PLEKHA5: variants seen among roughly 807,000 people sequenced by gnomAD.
PLEKHA5 encodes the protein pleckstrin homology domain-containing family A member 5.
A neutral mutation model predicts 181.9 loss-of-function variants in PLEKHA5; 55 were observed. That is an observed-to-expected ratio of 0.30 (90% CI 0.24 to 0.38). The LOEUF (loss-of-function observed/expected upper bound fraction) is 0.38, where lower values mean the gene tolerates loss of function less well. Among genes scored for constraint, PLEKHA5 ranks in the 10% least tolerant of loss-of-function variants. The probability of loss-of-function intolerance (pLI) is 1.00; values close to 1 mark genes in which losing one functional copy is unlikely to be tolerated. For missense variants in PLEKHA5, 1,432 were observed against 1,549.5 expected, an observed-to-expected ratio of 0.92 and a Z score of 1.27; for synonymous variants, 535 against 529.4, an observed-to-expected ratio of 1.01 and a Z score of -0.15.
intron 13 of PLEKHA5, among the ~76,000 whole-genome samples, chr12:19,289,953 T>C (rs550837310): frequency 1.3e-5 from 2 of 152,110 alleles, no homozygotes; most frequent in Non-Finnish European, 2.9e-5. Context: ...TTTTTATTTA[T>C]TTATTTTGAG....
chr12:19,306,504 T>C (rs199849104), intron 15 of PLEKHA5: 170 of 718,724 alleles, frequency 2.4e-4, no homozygotes, highest in Non-Finnish European at 5.0e-5. Context: ...GCTGTGTGTT[T>C]GATGTGTTGA....
chr12:19,162,235 T>C (rs897610248), intron 3 of PLEKHA5, among the ~76,000 whole-genome samples: 20 of 152,180 alleles, frequency 1.3e-4, no homozygotes, highest in Non-Finnish European at 2.6e-4. Flanking sequence ...TAAAAATTAT[T>C]TATTTCAGTG....
intron 31 of PLEKHA5, 80 bp downstream of exon 31, chr12:19,369,878 A>G: frequency 1.2e-6 from 1 of 800,658 alleles, no homozygotes; most frequent in Non-Finnish European, 2.0e-6. Flanking sequence ...GTGAATCAAA[A>G]CTGGGATTAG....
At chr12:19,157,220 T>C (rs950905070) in intron 3 of PLEKHA5, among the ~76,000 whole-genome samples, 2 of 151,974 alleles carry the variant, frequency 1.3e-5, no homozygotes, top group African/African-American at 4.8e-5. Flanking sequence ...AGAAAAAGTT[T>C]TAAAAATTCA....
At chr12:19,136,915 G>A (rs1029372626) in intron 3 of PLEKHA5, among the ~76,000 whole-genome samples, 1 of 151,990 alleles carries the variant, frequency 6.6e-6, no homozygotes, top group Non-Finnish European at 1.5e-5. Flanking sequence ...TGCAAGTAAG[G>A]AGAAAAATCT....
intron 20 of PLEKHA5, among the ~76,000 whole-genome samples, chr12:19,326,228 G>A (rs1047985142): frequency 2.6e-5 from 4 of 152,006 alleles, no homozygotes; most frequent in African/African-American, 9.7e-5. Context: ...TGTTATTTGT[G>A]CCTTTATGTA....
At chr12:19,285,609 G>A (rs1179453238) in intron 12 of PLEKHA5, among the ~76,000 whole-genome samples, 3 of 152,158 alleles carry the variant, frequency 2.0e-5, no homozygotes, top group African/African-American at 4.8e-5. Flanking sequence ...GTGCAGAAGC[G>A]ATGGTGAGTA....
intron 3 of PLEKHA5, among the ~76,000 whole-genome samples, chr12:19,157,102 A>ACACACACC: frequency 6.7e-6 from 1 of 149,326 alleles, no homozygotes; most frequent in African/African-American, 2.5e-5. Flanking sequence ...GTACATACAC[A>ACACACACC]CACACACACA....
intron 7 of PLEKHA5, among the ~76,000 whole-genome samples, chr12:19,263,420 G>C (rs1160462126): frequency 6.6e-6 from 1 of 152,100 alleles, no homozygotes; most frequent in Non-Finnish European, 1.5e-5. Flanking sequence ...TCTTAATCAC[G>C]AGTTTTTGCC....
intron 25 of PLEKHA5, among the ~76,000 whole-genome samples, chr12:19,353,609 G>A (rs765419780): frequency 2.0e-5 from 3 of 152,090 alleles, no homozygotes; most frequent in Non-Finnish European, 4.4e-5. Flanking sequence ...ACAGGCATGC[G>A]CCACCACGCC....
intron 15 of PLEKHA5, among the ~76,000 whole-genome samples, chr12:19,294,681 A>C (rs1302251719): frequency 6.6e-6 from 1 of 152,210 alleles, no homozygotes; most frequent in Non-Finnish European, 1.5e-5. Context: ...CAGTATTCAC[A>C]AAACACATAG....
chr12:19,344,643 C>T (rs532354218), intron 22 of PLEKHA5, among the ~76,000 whole-genome samples: 54 of 152,220 alleles, frequency 3.5e-4, no homozygotes, highest in African/African-American at 1.2e-3. Context: ...TGGATAACTG[C>T]GGCCAAAATG....
chr12:19,352,577 CTTTT>C (rs34607449), intron 25 of PLEKHA5, among the ~76,000 whole-genome samples: 1 of 110,150 alleles, frequency 9.1e-6, no homozygotes, highest in African/African-American at 3.4e-5. Context: ...ACAAAGAAGG[CTTTT>C]TTTTTTTTTT....
intron 3 of PLEKHA5, among the ~76,000 whole-genome samples, chr12:19,169,276 AAG>A (rs2045340361): frequency 6.6e-6 from 1 of 151,704 alleles, no homozygotes; most frequent in African/African-American, 2.4e-5. Flanking sequence ...AAAAAAAAAA[AAG>A]AGGGTTGTAA....
chr12:19,156,895 CAA>C (rs3056381), intron 3 of PLEKHA5, among the ~76,000 whole-genome samples: 1 of 130,530 alleles, frequency 7.7e-6, no homozygotes, highest in African/African-American at 2.9e-5. Context: ...CAAAAAATAC[CAA>C]AAAAAAAAAA....
intron 3 of PLEKHA5, among the ~76,000 whole-genome samples, chr12:19,214,879 TAAAA>T (rs34944576): frequency 6.7e-6 from 1 of 148,776 alleles, no homozygotes; most frequent in Non-Finnish European, 1.5e-5. Context: ...TTTCTTTCCT[TAAAA>T]AAAAAAAAAA....
At chr12:19,240,349 A>G (rs375601191) in intron 3 of PLEKHA5, among the ~76,000 whole-genome samples, 2 of 152,136 alleles carry the variant, frequency 1.3e-5, no homozygotes, top group South Asian at 2.1e-4. Flanking sequence ...AACTTTTTCT[A>G]ATTTGCCTTT....
rs920212492 is a variant in PLEKHA5 at position 19,270,043 on chromosome 12, T to G, written c.828-145T>G. On this transcript the variant is annotated intron_variant, in intron 9 of 31. Coordinates refer to ENST00000429027, the MANE Select transcript of PLEKHA5 (RefSeq NM_001256470.2). ...GATCAATTCCTGTTCTGAATTAAAT[T>G]AATACACATTTTGTTAGTTTGCGAT... is the stretch of plus-strand genomic sequence containing the variant. 15 of 624,286 alleles carry G rather than the reference T, an allele frequency of 2.4e-5. No homozygotes were observed. The African/African-American group carries it at 2.8e-4, about 12-fold the overall frequency. The allele number at this position is 624,286 out of a possible 1,614,324, so 38.7% of individuals were successfully genotyped here. A position where few individuals can be genotyped will look rare whatever the true frequency, so the allele number is the denominator to read the frequency against.
chr12:19,260,868 TAAAAA>T (rs2068284835), intron 6 of PLEKHA5, 76 bp from the exon 7 acceptor site: 1 of 878,812 alleles, frequency 1.1e-6, no homozygotes, highest in African/African-American at 1.7e-5. Flanking sequence ...CTCAAAAAAA[TAAAAA>T]TAAATAAATA....
Sources: gnomAD v4.1 joint callset for allele counts (sites outside exome capture counted in the v4.1 genomes callset) on GRCh38, gnomAD v4.1.1 for gene constraint, MANE v1.5 for transcripts, NCBI Gene and HGNC (gene_info 2026-07-23, HGNC 2026-07-21) for gene names.